NEO1: variants seen among roughly 807,000 people sequenced by gnomAD.
The protein encoded by NEO1 is neogenin.
A neutral mutation model predicts 159.7 loss-of-function variants in NEO1; 63 were observed. The ratio of observed to expected loss-of-function variants is 0.39; its 90% confidence interval spans 0.32 to 0.49. NEO1 has a LOEUF of 0.49. NEO1 is among the 20% of genes least tolerant of loss of function. The probability of loss-of-function intolerance (pLI) is 0.85; values close to 1 mark genes in which losing one functional copy is unlikely to be tolerated. For synonymous variants in NEO1, 633 were observed against 662.0 expected (o/e 0.96, Z 0.67); for missense variants, 1,615 against 1,831.0 (o/e 0.88, Z 2.15).
At chr15:73,081,117 G>A (rs149991105) in intron 1 of NEO1, among the ~76,000 whole-genome samples, 252 of 152,142 alleles carry the variant, frequency 1.7e-3, no homozygotes, top group African/African-American at 5.7e-3. Flanking sequence ...TTTGAAGGGC[G>A]TTGCTGTAAC....
chr15:73,169,499 C>T (rs1460451967), intron 5 of NEO1, among the ~76,000 whole-genome samples: 1 of 151,914 alleles, frequency 6.6e-6, no homozygotes, highest in Non-Finnish European at 1.5e-5. Context: ...AGTTAAAATC[C>T]AGAAAACATT....
chr15:73,126,316 C>G, intron 3 of NEO1, 101 bp from the exon 4 acceptor site: 1 of 1,100,404 alleles, frequency 9.1e-7, no homozygotes, highest in Non-Finnish European at 1.3e-6. Context: ...GCAGTCCTCC[C>G]TCCTCGGCCT....
In NEO1 at chr15:73,283,090, G is replaced by A. The variant is rs199819667; in HGVS notation, c.3389G>A (p.Arg1130His). The change falls in exon 23 of 29, where the codon CGT (arginine) becomes CAT (histidine). Residue 1130 changes from arginine to histidine, a missense_variant. By Grantham distance (29) the Arg-to-His change is conservative (BLOSUM62 0). Transcript: ENST00000261908. ...VVIIAVFCTR[R>H]TTSHQKKKRA... ...ATTATCGCTGTCTTTTGTACCCGTC[G>A]TACCACCTCTCACCAGAAAAAGTAA... 2.7e-5 allele frequency: 43 copies of A among 1,613,902 alleles called. No individual in the cohort carries two copies. The highest frequency in any genetic ancestry group is 9.3e-5 in the African/African-American group (7 of 74,872).
At chr15:73,094,631 A>ATTATCCCCTCTTCACC (rs1465900552) in intron 1 of NEO1, among the ~76,000 whole-genome samples, 1 of 152,212 alleles carries the variant, frequency 6.6e-6, no homozygotes, top group Non-Finnish European at 1.5e-5. Flanking sequence ...TTAAGTGATA[A>ATTATCCCCTCTTCACC]TTATCCCCTC....
chr15:73,300,758 C>G (rs997985394), intron 27 of NEO1, among the ~76,000 whole-genome samples: 7 of 152,202 alleles, frequency 4.6e-5, no homozygotes, highest in Non-Finnish European at 8.8e-5. Context: ...TCATACTTTG[C>G]ACACAGCTGA....
At chr15:73,262,966 A>G (rs1221867566) in intron 15 of NEO1, among the ~76,000 whole-genome samples, 1 of 152,188 alleles carries the variant, frequency 6.6e-6, no homozygotes, top group African/African-American at 2.4e-5. Flanking sequence ...GAATTACAAA[A>G]TAGGCAGAAT....
At chr15:73,176,933 A>C (rs1321185703) in intron 6 of NEO1, among the ~76,000 whole-genome samples, 2 of 152,138 alleles carry the variant, frequency 1.3e-5, no homozygotes, top group African/African-American at 4.8e-5. Context: ...AAATCTTTCC[A>C]CACTTCTCCT....
At chr15:73,116,469 A>G (rs2071325589) in intron 1 of NEO1, 71 bp from the exon 2 acceptor site, 1 of 1,323,342 alleles carries the variant, frequency 7.6e-7, no homozygotes, top group Non-Finnish European at 1.0e-6. Context: ...TGGACTTGTT[A>G]GTAATATATT....
intron 11 of NEO1, among the ~76,000 whole-genome samples, chr15:73,251,388 C>T (rs1257588822): frequency 2.0e-5 from 3 of 151,818 alleles, no homozygotes; most frequent in Non-Finnish European, 2.9e-5. Flanking sequence ...GTGGCACACA[C>T]CTTTAATCCT....
At chr15:73,084,824 T>C (rs1396979959) in intron 1 of NEO1, among the ~76,000 whole-genome samples, 3 of 152,036 alleles carry the variant, frequency 2.0e-5, no homozygotes, top group Non-Finnish European at 4.4e-5. Flanking sequence ...TTAATGTGTG[T>C]GTGTGTTCAG....
chr15:73,206,201 C>G (rs1008083951), intron 7 of NEO1, among the ~76,000 whole-genome samples: 3 of 152,194 alleles, frequency 2.0e-5, no homozygotes, highest in African/African-American at 7.2e-5. Flanking sequence ...GCCACCACAC[C>G]TGGCCTGTAA....
intron 1 of NEO1, among the ~76,000 whole-genome samples, chr15:73,055,253 T>C (rs1324910244): frequency 1.3e-5 from 2 of 152,212 alleles, no homozygotes; most frequent in African/African-American, 4.8e-5. Flanking sequence ...GAGTGAACAT[T>C]CTTCACCGAG....
chr15:73,058,695 A>G (rs937436968), intron 1 of NEO1, among the ~76,000 whole-genome samples: 5 of 152,160 alleles, frequency 3.3e-5, no homozygotes, highest in African/African-American at 1.2e-4. Context: ...TACCACTTTT[A>G]ATTGTGAACT....
rs760450958 is a variant in NEO1, at chr15:73,122,508, C to T, written c.449-17C>T. ...TATTTAAATAAATTTTATTTCTTCT[C>T]TTCCTTTATTGTCCAGGTCTTCCAA... On this transcript the variant is annotated splice_polypyrimidine_tract_variant and intron_variant, in intron 2 of 28. Coordinates refer to ENST00000261908, the MANE Select transcript of NEO1 (RefSeq NM_002499.4). The T allele has an allele frequency of 1.2e-6, 2 of 1,602,400 alleles. No individual in the cohort carries two copies. The highest frequency in any genetic ancestry group is 2.7e-5 in the African/African-American group (2 of 74,264).
intron 27 of NEO1, 55 bp downstream of exon 27, chr15:73,298,666 C>G: frequency 6.3e-7 from 1 of 1,599,236 alleles, no homozygotes; most frequent in African/African-American, 1.3e-5. Flanking sequence ...GACCCTTTGG[C>G]TCAAGCTTGG....
At chr15:73,114,389 G>T (rs934042047) in intron 1 of NEO1, among the ~76,000 whole-genome samples, 1 of 152,116 alleles carries the variant, frequency 6.6e-6, no homozygotes, top group Non-Finnish European at 1.5e-5. Context: ...AGTGAAGAGA[G>T]GATATCTTAG....
At chr15:73,209,213 G>A (rs575184519) in intron 7 of NEO1, among the ~76,000 whole-genome samples, 1 of 152,320 alleles carries the variant, frequency 6.6e-6, no homozygotes, top group African/African-American at 2.4e-5. Flanking sequence ...CATGAAATAT[G>A]ACTAATCTGT....
chr15:73,097,656 C>T (rs1369739003), intron 1 of NEO1, among the ~76,000 whole-genome samples: 2 of 152,192 alleles, frequency 1.3e-5, no homozygotes, highest in East Asian at 3.9e-4. Context: ...CCACTATGCC[C>T]AGCCCAGAGC....
intron 7 of NEO1, among the ~76,000 whole-genome samples, chr15:73,213,480 T>C (rs2037698774): frequency 6.6e-6 from 1 of 152,212 alleles, no homozygotes; most frequent in Non-Finnish European, 1.5e-5. Flanking sequence ...CTTTGCGTCC[T>C]CATAGCTTAG....
Sources: gnomAD v4.1 joint callset for allele counts (sites outside exome capture counted in the v4.1 genomes callset) on GRCh38, gnomAD v4.1.1 for gene constraint, MANE v1.5 for transcripts, NCBI Gene and HGNC (gene_info 2026-07-23, HGNC 2026-07-21) for gene names.